FAM209B: variants seen among roughly 807,000 people sequenced by gnomAD.
The protein encoded by FAM209B is family with sequence similarity 209 member B, also known as protein FAM209B.
In FAM209B, 8 loss-of-function variants were observed where a neutral mutation model predicts 8.9. The ratio of observed to expected loss-of-function variants is 0.90; its 90% CI spans 0.53 to 1.62. The LOEUF is 1.62. FAM209B is among the 40% of genes most tolerant of loss of function. FAM209B has a pLI of 0.00. For synonymous variants in FAM209B, 67 were observed against 75.0 expected (o/e 0.89, Z 0.55); for missense variants, 175 against 205.3 (o/e 0.85, Z 0.90).
chr20:56,536,156 A>G lies in FAM209B; in HGVS notation c.250-16A>G, dbSNP rs1568724680. 1.3e-6 allele frequency: 2 copies of G among 1,514,532 alleles called. No homozygotes were observed. Among genetic ancestry groups the G allele is most frequent in the Non-Finnish European group, 1.8e-6 (2 of 1,133,298 alleles). The allele number at this position is 1,514,532 out of a possible 1,614,324, so 93.8% of individuals were successfully genotyped here. A position where few individuals can be genotyped will look rare whatever the true frequency, so the allele number is the denominator to read the frequency against. ...AAGTCCATGATATTATTGACCTTGA[A>G]TATCTTTCTTGACAGGAGCAGAGTC... On this transcript the variant is annotated splice_polypyrimidine_tract_variant and intron_variant, in intron 1 of 1. Coordinates refer to ENST00000371325, the MANE Select transcript of FAM209B (RefSeq NM_001013646.4).
At chr20:56,535,451 C>T (rs1985942581) in intron 1 of FAM209B, among the ~76,000 whole-genome samples, 1 of 144,630 alleles carries the variant, frequency 6.9e-6, no homozygotes, top group South Asian at 2.2e-4. Flanking sequence ...ATTAGCCGGG[C>T]ATGATGGCGG....
At chr20:56,534,174 T>A (rs1234814292) in intron 1 of FAM209B, among the ~76,000 whole-genome samples, 1 of 152,070 alleles carries the variant, frequency 6.6e-6, no homozygotes, top group Non-Finnish European at 1.5e-5. Flanking sequence ...TTATGGTGTG[T>A]TTTAGAAGGT....
Position 56,535,210 on chromosome 20 carries a change from A to T in FAM209B, c.250-962A>T, listed in dbSNP as rs56012959. On this transcript the variant is annotated intron_variant, in intron 1 of 1. Coordinates refer to ENST00000371325, the MANE Select transcript of FAM209B (RefSeq NM_001013646.4). ...GCACGCCAGCCTGGGCGACAAAGTG[A>T]GACTCTGTCTCAAAAAAAAAAAAAA... Among the ~76,000 whole-genome samples the T allele has an allele frequency of 3.3e-5, 5 of 150,128 alleles. No homozygotes were observed. The South Asian group carries it at 8.5e-4, about 25-fold the overall frequency.
intron 1 of FAM209B, among the ~76,000 whole-genome samples, chr20:56,534,480 G>T (rs1477835919): frequency 6.6e-6 from 1 of 151,898 alleles, no homozygotes; most frequent in African/African-American, 2.4e-5. Flanking sequence ...GCCAGGCGCG[G>T]TGGCTCACCC....
intron 1 of FAM209B, among the ~76,000 whole-genome samples, chr20:56,535,709 A>C (rs1199739348): frequency 2.0e-5 from 3 of 152,166 alleles, no homozygotes; most frequent in Admixed American, 6.6e-5. Context: ...AAAGAGATGA[A>C]GGTGTAAAGT....
At chr20:56,535,905 C>A (rs2146404217) in intron 1 of FAM209B, among the ~76,000 whole-genome samples, 1 of 152,284 alleles carries the variant, frequency 6.6e-6, no homozygotes, top group East Asian at 1.9e-4. Context: ...GCTTTGTGGG[C>A]AGTACGGTCT....
chr20:56,535,725 C>G (rs985595205), intron 1 of FAM209B, among the ~76,000 whole-genome samples: 1 of 152,124 alleles, frequency 6.6e-6, no homozygotes, highest in African/African-American at 2.4e-5. Flanking sequence ...AAAGTAGTAA[C>G]AGCTGGGCCT....
chr20:56,533,651 C>T (rs986758135), intron 1 of FAM209B, 61 bp downstream of exon 1: 60 of 1,596,820 alleles, frequency 3.8e-5, no homozygotes, highest in Admixed American at 1.2e-4. Flanking sequence ...CTCAGGGAAA[C>T]GGATGTTCTA....
chr20:56,534,385 CG>C (rs1985890547), intron 1 of FAM209B, among the ~76,000 whole-genome samples: 1 of 152,006 alleles, frequency 6.6e-6, no homozygotes, highest in African/African-American at 2.4e-5. Flanking sequence ...GAGGCCGAGA[CG>C]GGCAGATCAC....
At position 56,533,511 on chromosome 20, in the gene FAM209B, G is replaced by C. The variant is rs764851087; in HGVS notation, c.170G>C (p.Gly57Ala). The stretch of plus-strand genomic sequence containing the variant: ...CCAGAGCACACCCAAGGCTGGCTTG[G>C]GAGCAAATGGCTCTGGCTTTTGTTT... ...NLPEHTQGWL[G>A]SKWLWLLFAV... The change falls in exon 1 of 2, where the codon GGG becomes GCG. Residue 57 changes from glycine (G) to alanine (A), a missense_variant. Transcript: ENST00000371325. 1.9e-6 allele frequency: 3 copies of C among 1,614,174 alleles called. No homozygotes were observed.
At chr20:56,535,493 A>T (rs2146403958) in intron 1 of FAM209B, among the ~76,000 whole-genome samples, 1 of 152,080 alleles carries the variant, frequency 6.6e-6, no homozygotes, top group Admixed American at 6.6e-5. Context: ...CGGGAGGCTG[A>T]GGCAGGAGAA....
chr20:56,535,505 A>G (rs1310194264), intron 1 of FAM209B, among the ~76,000 whole-genome samples: 1 of 148,668 alleles, frequency 6.7e-6, no homozygotes, highest in East Asian at 2.1e-4. Context: ...GCAGGAGAAT[A>G]GCTGGAACCT....
chr20:56,535,082 T>A (rs1425025697), intron 1 of FAM209B, among the ~76,000 whole-genome samples: 1 of 141,450 alleles, frequency 7.1e-6, no homozygotes, highest in East Asian at 2.1e-4. Context: ...ATTAGCCAGG[T>A]GTGGTGGCAC....
chr20:56,536,011 T>C (rs1985959006), intron 1 of FAM209B, among the ~76,000 whole-genome samples, 161 bp from the exon 2 acceptor site: 1 of 152,180 alleles, frequency 6.6e-6, no homozygotes, highest in Non-Finnish European at 1.5e-5. Flanking sequence ...AAACTTTATT[T>C]ACAAAAACAG....
Position 56,536,158 on chromosome 20 carries a change from A to G in FAM209B, c.250-14A>G, listed in dbSNP as rs1985963105. Reference sequence around the variant, plus strand: ...GTCCATGATATTATTGACCTTGAATATCTTTCTTGACAGGAGCAGAGTCCT... The same window carrying G: ...GTCCATGATATTATTGACCTTGAATGTCTTTCTTGACAGGAGCAGAGTCCT... On this transcript the variant is annotated splice_polypyrimidine_tract_variant and intron_variant, in intron 1 of 1. Coordinates refer to ENST00000371325, the MANE Select transcript of FAM209B (RefSeq NM_001013646.4). 1 of 1,514,728 alleles carries G rather than the reference A, an allele frequency of 6.6e-7. No homozygotes were observed. The highest frequency in any genetic ancestry group is 8.8e-7 in the Non-Finnish European group (1 of 1,133,506). 93.8% of individuals were successfully genotyped at this position (1,514,728 alleles called of 1,614,324 possible).
intron 1 of FAM209B, 149 bp downstream of exon 1, chr20:56,533,739 T>C (rs2146402467): frequency 2.9e-6 from 3 of 1,030,868 alleles, no homozygotes; most frequent in South Asian, 1.6e-5. Flanking sequence ...CACTTCCTGA[T>C]GTATCCTTAG....
At chr20:56,535,693 C>CA (rs1181111676) in intron 1 of FAM209B, among the ~76,000 whole-genome samples, 9 of 151,428 alleles carry the variant, frequency 5.9e-5, no homozygotes, top group Non-Finnish European at 1.3e-4. Context: ...AAAAAACAAA[C>CA]AAAAAAAAGA....
At chr20:56,536,055 G>T in intron 1 of FAM209B, 117 bp from the exon 2 acceptor site, 1 of 850,218 alleles carries the variant, frequency 1.2e-6, no homozygotes, top group Non-Finnish European at 1.7e-6. Flanking sequence ...GTCTGCCAGT[G>T]CCTGCACTCG....
At chr20:56,536,082 T>C in intron 1 of FAM209B, 90 bp from the exon 2 acceptor site, 1 of 1,213,610 alleles carries the variant, frequency 8.2e-7, no homozygotes, top group Non-Finnish European at 1.1e-6. Context: ...GCTAGAACCA[T>C]CTTTTCTTAA....
Sources: gnomAD v4.1 joint callset for allele counts (sites outside exome capture counted in the v4.1 genomes callset) on GRCh38, gnomAD v4.1.1 for gene constraint, MANE v1.5 for transcripts, NCBI Gene and HGNC (gene_info 2026-07-23, HGNC 2026-07-21) for gene names.